Variants in ATP9B observed in about 807,000 individuals in gnomAD.
The protein encoded by ATP9B is ATPase phospholipid transporting 9B.
Under a neutral mutation model 146.1 loss-of-function variants are expected in ATP9B, and 110 were observed. The observed-to-expected ratio is 0.75, with a 90% CI of 0.65 to 0.88. The LOEUF is 0.88. ATP9B is among the 40% of genes least tolerant of loss of function. The pLI is 0.00. For synonymous variants in ATP9B, 604 were observed against 569.7 expected, an observed-to-expected ratio of 1.06 and a Z score of -0.86; for missense variants, 1,499 against 1,496.4, an observed-to-expected ratio of 1.00 and a Z score of -0.03.
At chr18:79,278,308 G>A (rs1005351304) in intron 13 of ATP9B, among the ~76,000 whole-genome samples, 3 of 152,122 alleles carry the variant, frequency 2.0e-5, no homozygotes, top group Non-Finnish European at 4.4e-5. Flanking sequence ...AGCTTCACTC[G>A]AACTCGATGG....
rs139402139 is a variant in ATP9B at position 79,236,392 on chromosome 18, C to T, written c.1108-16989C>T. Reference sequence around the variant, plus strand: ...TCTTTGTATATCCGGGTTATTTTCTCCCACTCTGCTGGTTGCCTTCTCACT... The same window carrying T: ...TCTTTGTATATCCGGGTTATTTTCTTCCACTCTGCTGGTTGCCTTCTCACT... On this transcript the variant is annotated intron_variant, in intron 11 of 29. Transcript: ENST00000426216. Among the ~76,000 whole-genome samples the T allele has an allele frequency of 3.8e-3, 575 of 152,234 alleles. 1 individual carries two copies. The highest frequency in any genetic ancestry group is 0.015 in the South Asian group (70 of 4,824).
rs554831645 is a variant in ATP9B, at chr18:79,244,409, C to G, written c.1108-8972C>G. 2.2e-4 allele frequency among the ~76,000 whole-genome samples: 34 copies of G among 152,282 alleles called. 1 individual carries two copies. The South Asian group carries it at 6.0e-3, about 27-fold the overall frequency. On this transcript the variant is annotated intron_variant, in intron 11 of 29. Coordinates refer to ENST00000426216, the MANE Select transcript of ATP9B (RefSeq NM_198531.5). ...AATAATTTCTTCAATATCTCACATT[C>G]TGAACACTAGAAACGCATCAACTAA...
At chr18:79,284,889 C>A (rs1229066808) in intron 13 of ATP9B, among the ~76,000 whole-genome samples, 1 of 151,040 alleles carries the variant, frequency 6.6e-6, no homozygotes, top group East Asian at 1.9e-4. Context: ...TTTGTTCTTG[C>A]GATAGTTTAT....
chr18:79,101,177 C>G (rs1163963616), intron 2 of ATP9B, among the ~76,000 whole-genome samples: 3 of 152,114 alleles, frequency 2.0e-5, no homozygotes. Flanking sequence ...AGATGCAGAA[C>G]CATTCCAACC....
chr18:79,331,836 G>A (rs2096791638), intron 17 of ATP9B, among the ~76,000 whole-genome samples: 1 of 152,214 alleles, frequency 6.6e-6, no homozygotes, highest in South Asian at 2.1e-4. Context: ...AGCTGGAGGT[G>A]TTGAGGTGAT....
intron 13 of ATP9B, 64 bp downstream of exon 13, chr18:79,277,260 A>G: frequency 6.3e-7 from 1 of 1,576,752 alleles, no homozygotes; most frequent in East Asian, 2.2e-5. Flanking sequence ...AAAATAGCAT[A>G]GCGTATAGAT....
At chr18:79,322,212 C>T (rs147278962) in intron 15 of ATP9B, among the ~76,000 whole-genome samples, 4 of 152,154 alleles carry the variant, frequency 2.6e-5, no homozygotes, top group East Asian at 3.9e-4. Context: ...GCAGGAAAGT[C>T]GGAGAGGGAG....
chr18:79,370,322 A>T (rs945610698), intron 26 of ATP9B, among the ~76,000 whole-genome samples: 1 of 152,082 alleles, frequency 6.6e-6, no homozygotes, highest in Admixed American at 6.5e-5. Flanking sequence ...TTCACAGAGG[A>T]GGGAACTGAG....
chr18:79,331,676 C>G (rs546516972), intron 17 of ATP9B, among the ~76,000 whole-genome samples: 2 of 152,014 alleles, frequency 1.3e-5, no homozygotes, highest in African/African-American at 4.8e-5. Context: ...TTCCATCAGG[C>G]TCCTCCAGAA....
intron 15 of ATP9B, among the ~76,000 whole-genome samples, chr18:79,309,437 G>A (rs1472787899): frequency 1.4e-5 from 2 of 146,756 alleles, no homozygotes; most frequent in Non-Finnish European, 3.0e-5. Flanking sequence ...GGGTGGAGGA[G>A]TGATCCCCAG....
intron 1 of ATP9B, among the ~76,000 whole-genome samples, chr18:79,073,069 T>C (rs966209082): frequency 2.1e-5 from 3 of 144,762 alleles, no homozygotes; most frequent in Non-Finnish European, 4.5e-5. Context: ...TCCCAGATGA[T>C]GGGCCGCCAG....
chr18:79,213,332 C>T (rs1037998676), intron 10 of ATP9B, among the ~76,000 whole-genome samples: 9 of 151,946 alleles, frequency 5.9e-5, no homozygotes, highest in African/African-American at 1.2e-4. Flanking sequence ...TGAAATCTAT[C>T]GGTCATACCA....
At chr18:79,089,027 CTCT>C (rs2074089617) in intron 1 of ATP9B, among the ~76,000 whole-genome samples, 1 of 152,106 alleles carries the variant, frequency 6.6e-6, no homozygotes, top group African/African-American at 2.4e-5. Context: ...AAGACATGGT[CTCT>C]TCTTGTTTGA....
chr18:79,133,818 C>T (rs192658915), intron 5 of ATP9B, among the ~76,000 whole-genome samples: 6 of 152,252 alleles, frequency 3.9e-5, no homozygotes, highest in Admixed American at 2.0e-4. Context: ...CTGAGGTCTG[C>T]CCCCCGCAGC....
intron 11 of ATP9B, among the ~76,000 whole-genome samples, chr18:79,224,171 A>T (rs2095707257): frequency 6.6e-6 from 1 of 152,240 alleles, no homozygotes; most frequent in Admixed American, 6.5e-5. Context: ...AATTTATTCA[A>T]GAAGCAAGTA....
At chr18:79,259,809 C>T (rs1434426798) in intron 12 of ATP9B, among the ~76,000 whole-genome samples, 1 of 152,216 alleles carries the variant, frequency 6.6e-6, no homozygotes, top group Non-Finnish European at 1.5e-5. Flanking sequence ...TATCAGGTTA[C>T]TTTTCGGTTA....
At position 79,342,287 on chromosome 18, in the gene ATP9B, A is replaced by G. The variant is rs759863969; in HGVS notation, c.2303A>G (p.Asp768Gly). 1 of 1,613,478 alleles carries G rather than the reference A, an allele frequency of 6.2e-7. No individual in the cohort carries two copies. Residue 768 changes from aspartate (D) to glycine (G), a missense_variant, in exon 20 of 30, where the codon GAT becomes GGT. Transcript: ENST00000426216. ...AGIKIWMLTGDKLETATCIAK... is the reference protein window; with the variant it reads ...AGIKIWMLTGGKLETATCIAK... ...CCCTAGATATGGATGCTAACAGGCG[A>G]TAAACTCGAGACAGCTACCTGCATT...
chr18:79,228,157 T>C (rs1268320237), intron 11 of ATP9B, among the ~76,000 whole-genome samples: 1 of 152,236 alleles, frequency 6.6e-6, no homozygotes, highest in African/African-American at 2.4e-5. Flanking sequence ...TATTTGGCTT[T>C]AATTGATTTA....
intron 6 of ATP9B, among the ~76,000 whole-genome samples, chr18:79,148,397 A>G (rs1169735917): frequency 6.6e-6 from 1 of 152,224 alleles, no homozygotes; most frequent in Non-Finnish European, 1.5e-5. Flanking sequence ...GAAGAGTAAT[A>G]CATCACAACC....
Sources: gnomAD v4.1 joint callset for allele counts (sites outside exome capture counted in the v4.1 genomes callset) on GRCh38, gnomAD v4.1.1 for gene constraint, MANE v1.5 for transcripts, NCBI Gene and HGNC (gene_info 2026-07-23, HGNC 2026-07-21) for gene names.